Variants in FSIP2 observed in about 807,000 individuals in gnomAD.
FSIP2 encodes fibrous sheath-interacting protein 2.
FSIP2 carries 367 observed loss-of-function variants against 510.5 expected under a neutral mutation model. The observed-to-expected ratio is 0.72, with a 90% CI of 0.66 to 0.78. FSIP2 has a LOEUF of 0.78. Ranked by LOEUF, FSIP2 falls within the 30% of genes least tolerant of loss-of-function variation. FSIP2 has a pLI of 0.00. For missense variants in FSIP2, 7,594 were observed against 7,901.7 expected (o/e 0.96, Z 1.48); for synonymous variants, 2,601 against 2,732.2 (o/e 0.95, Z 1.50).
intron 13 of FSIP2, among the ~76,000 whole-genome samples, chr2:185,768,146 G>T (rs1395038217): frequency 6.6e-6 from 1 of 151,922 alleles, no homozygotes; most frequent in East Asian, 1.9e-4. Flanking sequence ...AGTTGTTTCA[G>T]ATTTTTATAT....
rs1425321196 is a variant in FSIP2, at chr2:185,794,628, G to A, written c.7492G>A (p.Val2498Ile). ...ACTTTTGAATAAGTTGTATCAAAGA[G>A]TAAGGGAAGTCACAGGCCATTTGCC... is the stretch of plus-strand genomic sequence containing the variant. ...EELLNKLYQR[V>I]REVTGHLPPL... is the part of the protein sequence containing the mutation. The change falls in exon 16 of 23, where the codon GTA (valine) becomes ATA (isoleucine). Residue 2498 changes from valine (V) to isoleucine (I), a missense_variant. Transcript: ENST00000424728. 5 of 1,532,514 alleles carry A rather than the reference G, an allele frequency of 3.3e-6. No homozygotes were observed. Among genetic ancestry groups the A allele is most frequent in the Admixed American group, 4.0e-5 (2 of 50,532 alleles). The allele number at this position is 1,532,514 out of a possible 1,614,324, so 94.9% of individuals were successfully genotyped here.
In FSIP2 at chr2:185,804,328, G is replaced by C; in HGVS notation, c.15022G>C (p.Asp5008His). ...TSEILVADNF[D>H]KNLCFSERYK... ...AGAGATTTTAGTTGCAGATAACTTT[G>C]ATAAAAATTTGTGTTTCTCAGAAAG... is the stretch of plus-strand genomic sequence containing the variant. The change falls in exon 17 of 23, where the codon GAT becomes CAT. Residue 5008 changes from aspartate to histidine, a missense_variant. Asp to His is a moderately conservative substitution (Grantham distance 81). Transcript: ENST00000424728. The C allele has an allele frequency of 9.3e-6, 14 of 1,506,370 alleles. No individual in the cohort carries two copies. The highest frequency in any genetic ancestry group is 1.2e-5 in the Non-Finnish European group (14 of 1,135,732). 93.3% of individuals were successfully genotyped at this position (1,506,370 alleles called of 1,614,324 possible).
chr2:185,740,044 C>T (rs1038691788), intron 2 of FSIP2, among the ~76,000 whole-genome samples: 1 of 152,194 alleles, frequency 6.6e-6, no homozygotes, highest in Non-Finnish European at 1.5e-5. Context: ...TTGCCCCAGC[C>T]TTTCCATCCA....
At position 185,800,885 on chromosome 2, in the gene FSIP2, A is replaced by G; in HGVS notation, c.11579A>G (p.Gln3860Arg). The G allele has an allele frequency of 1.3e-6, 2 of 1,534,106 alleles. No homozygotes were observed. The highest frequency in any genetic ancestry group is 1.7e-6 in the Non-Finnish European group (2 of 1,145,592). The change falls in exon 17 of 23, where the codon CAA becomes CGA. Residue 3860 changes from glutamine to arginine, a missense_variant. Gln to Arg is a conservative substitution (Grantham distance 43). Coordinates refer to ENST00000424728, the MANE Select transcript of FSIP2 (RefSeq NM_173651.4). ...SLMDKLSHSI[Q>R]QAPESLPFAN... ...ATGGACAAATTATCTCACAGCATACAACAAGCTCCGGAAAGTCTACCTTTT... is the reference window on the plus strand; with the variant it reads ...ATGGACAAATTATCTCACAGCATACGACAAGCTCCGGAAAGTCTACCTTTT...
rs777999528 is a variant in FSIP2, at chr2:185,824,482, T to C, written c.20473+2T>C. The stretch of plus-strand genomic sequence containing the variant: ...ACCCAAGTGCTAAAATATTAGAAGG[T>C]TGGACTCCTTTTTCTTAAATTAGAG... On this transcript the variant is annotated splice_donor_variant, in intron 20 of 22. Transcript: ENST00000424728. LOFTEE classifies it high-confidence loss of function. The C allele has an allele frequency of 4.5e-6, 7 of 1,553,000 alleles. No individual in the cohort carries two copies. In the East Asian group the frequency reaches 6.8e-5, roughly 15 times the overall value.
rs781226257 is a variant in FSIP2 at position 185,809,004 on chromosome 2, A to G, written c.19698A>G (p.Ile6566Met). The change falls in exon 17 of 23, where the codon ATA (isoleucine) becomes ATG (methionine). Residue 6566 changes from isoleucine (I) to methionine (M), a missense_variant. By Grantham distance (10) the Ile-to-Met change is conservative. Transcript: ENST00000424728. ...GTTTGAAAAGAACTGGACATAGCATAGCAGAACTGAGAAGAGCATCAATAA... is the reference window on the plus strand; with the variant it reads ...GTTTGAAAAGAACTGGACATAGCATGGCAGAACTGAGAAGAGCATCAATAA... ...QECLKRTGHS[I>M]AELRRASISG... is the part of the protein sequence containing the mutation. The G allele has an allele frequency of 1.2e-6, 2 of 1,612,924 alleles. No homozygotes were observed. The highest frequency in any genetic ancestry group is 1.7e-4 in the Middle Eastern group (1 of 6,048).
At chr2:185,764,877 G>A in intron 13 of FSIP2, 1 of 214,656 alleles carries the variant, frequency 4.7e-6, no homozygotes, top group Non-Finnish European at 9.1e-6. Context: ...AGACATGAAG[G>A]ATCAGAAGGA....
Position 185,802,683 on chromosome 2 carries a change from ATAT to A in FSIP2, c.13378_13380del (p.Tyr4460del), listed in dbSNP as rs1693468117. On this transcript the variant is annotated inframe_deletion, in exon 17 of 23. Coordinates refer to ENST00000424728, the MANE Select transcript of FSIP2 (RefSeq NM_173651.4). ...CTGAGCCAAGCCAGAGTGTACCTCT[ATAT>A]AACACCTTGCTGCCATACACATTTT... 2 of 1,531,468 alleles carry A rather than the reference ATAT, an allele frequency of 1.3e-6. No individual in the cohort carries two copies. The highest frequency in any genetic ancestry group is 1.7e-6 in the Non-Finnish European group (2 of 1,144,704). The allele number at this position is 1,531,468 out of a possible 1,614,324, so 94.9% of individuals were successfully genotyped here. A position where few individuals can be genotyped will look rare whatever the true frequency, so the allele number is the denominator to read the frequency against.
At position 185,813,699 on chromosome 2, in the gene FSIP2, G is replaced by A. The variant is rs376528278; in HGVS notation, c.19982G>A (p.Arg6661Gln). 62 of 1,609,702 alleles carry A rather than the reference G, an allele frequency of 3.9e-5. No individual in the cohort carries two copies. The highest frequency in any genetic ancestry group is 3.3e-4 in the South Asian group (30 of 90,426). Reference sequence around the variant, plus strand: ...TTGGAAAATTACATAAAAGAGGAACGAGATTCTGATGAAGATGAAGTTGTT... The same window carrying A: ...TTGGAAAATTACATAAAAGAGGAACAAGATTCTGATGAAGATGAAGTTGTT... ...VYLENYIKEE[R>Q]DSDEDEVVLT... Residue 6661 changes from arginine (R) to glutamine (Q), a missense_variant, in exon 18 of 23, where the codon CGA (arginine) becomes CAA (glutamine). Physicochemically the swap from Arg to Gln is conservative, Grantham distance 43. Coordinates refer to ENST00000424728, the MANE Select transcript of FSIP2 (RefSeq NM_173651.4).
At chr2:185,826,036 C>A (rs530713538) in intron 20 of FSIP2, among the ~76,000 whole-genome samples, 16 of 151,842 alleles carry the variant, frequency 1.1e-4, no homozygotes, top group Admixed American at 7.9e-4. Flanking sequence ...GAGTTGCCTC[C>A]AGTATACAGT....
chr2:185,775,975 A>G (rs1325020338), intron 13 of FSIP2, among the ~76,000 whole-genome samples: 1 of 152,106 alleles, frequency 6.6e-6, no homozygotes, highest in African/African-American at 2.4e-5. Flanking sequence ...GTTTTTATTT[A>G]AAAATTACAT....
Position 185,792,266 on chromosome 2 carries a change from CA to C in FSIP2, c.5131del (p.Arg1711GlyfsTer17), listed in dbSNP as rs1693154141. ...EGGGIETYRYRPTYGSLPGGA... is the reference protein window; with the variant it reads ...EGGGIETYRYXPTYGSLPGGA... ...GGGGAGGCATTGAAACTTATCGATA[CA>C]GGCCAACATATGGAAGTCTTCCTGG... On this transcript the variant is annotated frameshift_variant, in exon 16 of 23. Transcript: ENST00000424728. LOFTEE classifies it high-confidence loss of function. 1 of 1,533,308 alleles carries C rather than the reference CA, an allele frequency of 6.5e-7. No homozygotes were observed. Among genetic ancestry groups the C allele is most frequent in the African/African-American group, 1.4e-5 (1 of 72,774 alleles). 95.0% of individuals were successfully genotyped at this position (1,533,308 alleles called of 1,614,324 possible). A position where few individuals can be genotyped will look rare whatever the true frequency, so the allele number is the denominator to read the frequency against.
intron 13 of FSIP2, chr2:185,765,347 T>C (rs1481288420): frequency 2.0e-5 from 3 of 152,064 alleles, no homozygotes; most frequent in African/African-American, 7.2e-5. Context: ...TAAGAGCTAC[T>C]CTCTTTCTAC....
chr2:185,793,391 ACTT>A lies in FSIP2; in HGVS notation c.6257_6259del (p.Leu2086del), dbSNP rs1444228322. 2.3e-5 allele frequency: 35 copies of A among 1,533,740 alleles called. No individual in the cohort carries two copies. Among genetic ancestry groups the A allele is most frequent in the Non-Finnish European group, 2.9e-5 (33 of 1,145,424 alleles). On this transcript the variant is annotated inframe_deletion, in exon 16 of 23. Transcript: ENST00000424728. ...TCAATGAGACCAAATATCGAAAAGT[ACTT>A]CAACTTCAAATACAAGATACCATTG...
chr2:185,796,925 C>T lies in FSIP2; in HGVS notation c.9789C>T (p.Tyr3263=). Residue 3263 remains tyrosine (Y), a synonymous_variant, in exon 16 of 23, where the codon TAC becomes TAT. Transcript: ENST00000424728. The part of the protein sequence containing the change: ...SFDQTMKGNS[Y]LPEGSFLQKL... Reference sequence around the variant, plus strand: ...ATCAGACCATGAAAGGAAATAGCTACCTCCCTGAAGGCAGTTTCTTACAAA... The same window carrying T: ...ATCAGACCATGAAAGGAAATAGCTATCTCCCTGAAGGCAGTTTCTTACAAA... 1 of 1,534,914 alleles carries T rather than the reference C, an allele frequency of 6.5e-7. No individual in the cohort carries two copies. Among genetic ancestry groups the T allele is most frequent in the Non-Finnish European group, 8.7e-7 (1 of 1,146,224 alleles).
chr2:185,808,643 C>T lies in FSIP2; in HGVS notation c.19337C>T (p.Thr6446Ile), dbSNP rs774464450. ...GAATTTTATTATGATATAAAAGATACAAATACAGCCTTTCCTAAAAAAGTG... is the reference window on the plus strand; with the variant it reads ...GAATTTTATTATGATATAAAAGATATAAATACAGCCTTTCCTAAAAAAGTG... ...NKEFYYDIKDTNTAFPKKVAS... is the reference protein window; with the variant it reads ...NKEFYYDIKDINTAFPKKVAS... The change falls in exon 17 of 23, where the codon ACA becomes ATA. Residue 6446 changes from threonine to isoleucine, a missense_variant. Coordinates refer to ENST00000424728, the MANE Select transcript of FSIP2 (RefSeq NM_173651.4). 1 of 1,604,308 alleles carries T rather than the reference C, an allele frequency of 6.2e-7. No individual in the cohort carries two copies. Among genetic ancestry groups the T allele is most frequent in the Non-Finnish European group, 8.5e-7 (1 of 1,175,752 alleles).
Position 185,792,437 on chromosome 2 carries a change from A to G in FSIP2, c.5301A>G (p.Val1767=). The part of the protein sequence containing the change: ...ALEKTLNKIE[V]KLKEPHISPI... Reference sequence around the variant, plus strand: ...AAAAAACCTTAAACAAAATTGAAGTAAAACTCAAAGAACCACATATATCTC... The same window carrying G: ...AAAAAACCTTAAACAAAATTGAAGTGAAACTCAAAGAACCACATATATCTC... The change falls in exon 16 of 23, where the codon GTA becomes GTG. Residue 1767 remains valine (V), a synonymous_variant. Coordinates refer to ENST00000424728, the MANE Select transcript of FSIP2 (RefSeq NM_173651.4). The G allele has an allele frequency of 6.5e-7, 1 of 1,533,396 alleles. No homozygotes were observed. The highest frequency in any genetic ancestry group is 8.7e-7 in the Non-Finnish European group (1 of 1,144,878). 95.0% of individuals were successfully genotyped at this position (1,533,396 alleles called of 1,614,324 possible). A position where few individuals can be genotyped will look rare whatever the true frequency, so the allele number is the denominator to read the frequency against.
In FSIP2 at chr2:185,794,442, G is replaced by T; in HGVS notation, c.7306G>T (p.Glu2436Ter). ...NEILLGHKEK[E>*]RSTKQSLFTK... is the part of the protein sequence containing the mutation. ...AATATTGCTGGGTCACAAAGAGAAGGAAAGAAGTACCAAACAATCTCTATT... is the reference window on the plus strand; with the variant it reads ...AATATTGCTGGGTCACAAAGAGAAGTAAAGAAGTACCAAACAATCTCTATT... The change falls in exon 16 of 23, where the codon GAA becomes TAA. Residue 2436 changes from glutamate (E) to a stop codon, truncating the protein, a stop_gained. Coordinates refer to ENST00000424728, the MANE Select transcript of FSIP2 (RefSeq NM_173651.4). LOFTEE classifies it high-confidence loss of function. 1 of 1,510,498 alleles carries T rather than the reference G, an allele frequency of 6.6e-7. No individual in the cohort carries two copies. Among genetic ancestry groups the T allele is most frequent in the Non-Finnish European group, 8.8e-7 (1 of 1,137,090 alleles). 93.6% of individuals were successfully genotyped at this position (1,510,498 alleles called of 1,614,324 possible).
At position 185,761,985 on chromosome 2, in the gene FSIP2, T is replaced by C; in HGVS notation, c.1208T>C (p.Val403Ala). The C allele has an allele frequency of 1.3e-6, 2 of 1,486,478 alleles. No individual in the cohort carries two copies. The highest frequency in any genetic ancestry group is 9.1e-7 in the Non-Finnish European group (1 of 1,104,812). 92.1% of individuals were successfully genotyped at this position (1,486,478 alleles called of 1,614,324 possible). The change falls in exon 11 of 23, where the codon GTA becomes GCA. Residue 403 changes from valine to alanine, a missense_variant. Val to Ala is a moderately conservative substitution (Grantham distance 64, BLOSUM62 0). Coordinates refer to ENST00000424728, the MANE Select transcript of FSIP2 (RefSeq NM_173651.4). ...GGTACCATGTAGAGAGATGGGATGG[T>C]ATCTAAAAACTCAAGTATTTTCGAT... ...NGINQKRDGM[V>A]SKNSSIFDDR...
Sources: gnomAD v4.1 joint callset for allele counts (sites outside exome capture counted in the v4.1 genomes callset) on GRCh38, gnomAD v4.1.1 for gene constraint, MANE v1.5 for transcripts, NCBI Gene and HGNC (gene_info 2026-07-23, HGNC 2026-07-21) for gene names.